Variants in FRMD4B observed in about 807,000 individuals in gnomAD.
FRMD4B encodes the protein FERM domain containing 4B.
Under a neutral mutation model 141.5 loss-of-function variants are expected in FRMD4B, and 74 were observed. The ratio of observed to expected loss-of-function variants is 0.52; its 90% CI spans 0.43 to 0.63. The LOEUF is 0.63. Among genes scored for constraint, FRMD4B ranks in the 30% least tolerant of loss-of-function variants. The pLI is 0.00. For synonymous variants in FRMD4B, 506 were observed against 467.9 expected (o/e 1.08, Z -1.05); for missense variants, 1,366 against 1,253.4 (o/e 1.09, Z -1.36).
intron 18 of FRMD4B, among the ~76,000 whole-genome samples, 198 bp from the exon 19 acceptor site, chr3:69,188,115 G>A (rs2092790119): frequency 6.6e-6 from 1 of 152,042 alleles, no homozygotes; most frequent in African/African-American, 2.4e-5. Flanking sequence ...CGAAAATACT[G>A]AACACTCTTC....
At chr3:69,401,574 G>A (rs1276329534) in intron 2 of FRMD4B, among the ~76,000 whole-genome samples, 1 of 152,096 alleles carries the variant, frequency 6.6e-6, no homozygotes, top group Non-Finnish European at 1.5e-5. Context: ...TTCTGAGTCA[G>A]GGTCTCACTC....
At chr3:69,469,349 C>G (rs1262526392) in intron 1 of FRMD4B, among the ~76,000 whole-genome samples, 1 of 152,152 alleles carries the variant, frequency 6.6e-6, no homozygotes, top group East Asian at 1.9e-4. Context: ...TAAAACAACT[C>G]AGAAATGTAA....
intron 1 of FRMD4B, among the ~76,000 whole-genome samples, chr3:69,486,551 T>C (rs1482677890): frequency 1.3e-5 from 2 of 152,194 alleles, no homozygotes; most frequent in East Asian, 3.9e-4. Flanking sequence ...AACTAAGCCA[T>C]TAAGTGTTGG....
chr3:69,526,122 G>T (rs1423680994), intron 1 of FRMD4B, among the ~76,000 whole-genome samples: 1 of 152,038 alleles, frequency 6.6e-6, no homozygotes, highest in Non-Finnish European at 1.5e-5. Context: ...GCCAAGCACG[G>T]GATACAACAT....
At chr3:69,364,100 G>A (rs1425826214) in intron 1 of FRMD4B, among the ~76,000 whole-genome samples, 1 of 152,172 alleles carries the variant, frequency 6.6e-6, no homozygotes, top group Non-Finnish European at 1.5e-5. Flanking sequence ...CAGGATGAAA[G>A]AAGCAAAGAA....
chr3:69,323,489 C>T lies in FRMD4B; in HGVS notation c.163-9972G>A, dbSNP rs143002923. Among the ~76,000 whole-genome samples, 1,321 of 151,460 alleles carry T rather than the reference C, an allele frequency of 8.7e-3. 16 individuals are homozygous for T. Among genetic ancestry groups the T allele is most frequent in the African/African-American group, 0.031 (1,268 of 41,274 alleles). On this transcript the variant is annotated intron_variant, in intron 1 of 22. Coordinates refer to ENST00000398540, the MANE Select transcript of FRMD4B (RefSeq NM_015123.3). ...AGGCTGAGGCAGAATTGCTTGAACC[C>T]AGTGGGTGGAGGTTGCAGTGAGCTG... is the stretch of plus-strand genomic sequence containing the variant.
At chr3:69,291,857 A>G (rs1183202993) in intron 4 of FRMD4B, among the ~76,000 whole-genome samples, 1 of 150,394 alleles carries the variant, frequency 6.6e-6, no homozygotes, top group African/African-American at 2.4e-5. Flanking sequence ...AACCCAAGTT[A>G]ATAGAGGGCT....
At chr3:69,202,215 A>C (rs1435648994) in intron 11 of FRMD4B, among the ~76,000 whole-genome samples, 1 of 152,102 alleles carries the variant, frequency 6.6e-6, no homozygotes, top group African/African-American at 2.4e-5. Flanking sequence ...AAAAAAAGAA[A>C]AGTCATGAAG....
rs1463308290 is a variant in FRMD4B, at chr3:69,196,304, C to T, written c.1185G>A (p.Glu395=). 6.2e-7 allele frequency: 1 copy of T among 1,609,026 alleles called. No individual in the cohort carries two copies. Among genetic ancestry groups the T allele is most frequent in the Non-Finnish European group, 8.5e-7 (1 of 1,176,970 alleles). The change falls in exon 14 of 23, where the codon GAG becomes GAA. Residue 395 remains glutamate, a synonymous_variant. Transcript: ENST00000398540. ...TTGCCATGATGAACTGACTTTTCGT[C>T]TCCAGTGTCACCAGCTTGGAGGCCC... ...TQRASKLVTL[E]TKSQFIMASN... is the part of the protein sequence containing the mutation.
intron 2 of FRMD4B, among the ~76,000 whole-genome samples, chr3:69,425,126 C>T (rs1386376082): frequency 6.6e-6 from 1 of 152,184 alleles, no homozygotes. Context: ...GTTATTATCT[C>T]TTATCAGTAG....
chr3:69,347,249 T>C (rs1356657463), intron 1 of FRMD4B, among the ~76,000 whole-genome samples: 1 of 152,114 alleles, frequency 6.6e-6, no homozygotes, highest in Admixed American at 6.5e-5. Context: ...CATTACATAA[T>C]GGTAAAGGGA....
chr3:69,261,244 G>C (rs902893311), intron 5 of FRMD4B, among the ~76,000 whole-genome samples: 7 of 152,174 alleles, frequency 4.6e-5, no homozygotes. Flanking sequence ...TCCACCAGAA[G>C]AAAGAAACTC....
At chr3:69,358,613 A>C (rs1246523696) in intron 1 of FRMD4B, among the ~76,000 whole-genome samples, 1 of 152,080 alleles carries the variant, frequency 6.6e-6, no homozygotes, top group Non-Finnish European at 1.5e-5. Context: ...GCATGCGCCT[A>C]TAGTCCCAGA....
chr3:69,505,904 G>A (rs943289291), intron 1 of FRMD4B, among the ~76,000 whole-genome samples: 5 of 152,206 alleles, frequency 3.3e-5, no homozygotes, highest in East Asian at 1.9e-4. Context: ...GCCTTAGTCA[G>A]TGTGAATCCT....
chr3:69,326,119 A>ATTTTTTTTTTT (rs371350022), intron 1 of FRMD4B, among the ~76,000 whole-genome samples: 2 of 133,714 alleles, frequency 1.5e-5, no homozygotes, highest in African/African-American at 5.8e-5. Flanking sequence ...TGGCTAATCA[A>ATTTTTTTTTTT]TTTTTTTTTT....
At chr3:69,301,349 A>G (rs771158404) in intron 4 of FRMD4B, among the ~76,000 whole-genome samples, 4 of 151,884 alleles carry the variant, frequency 2.6e-5, no homozygotes, top group Admixed American at 1.3e-4. Flanking sequence ...TGTTTATGAG[A>G]TGGAGTCTCA....
At chr3:69,471,078 T>A (rs1458401668) in intron 1 of FRMD4B, among the ~76,000 whole-genome samples, 1 of 152,190 alleles carries the variant, frequency 6.6e-6, no homozygotes, top group African/African-American at 2.4e-5. Flanking sequence ...ATAAGAGTTA[T>A]CTTCCAAACT....
intron 1 of FRMD4B, among the ~76,000 whole-genome samples, chr3:69,358,895 C>G (rs1703396759): frequency 6.6e-6 from 1 of 152,164 alleles, no homozygotes; most frequent in Non-Finnish European, 1.5e-5. Flanking sequence ...TCCTGTGAAC[C>G]TGTGCACCCT....
intron 7 of FRMD4B, among the ~76,000 whole-genome samples, chr3:69,226,705 C>G (rs575962905): frequency 7.9e-5 from 12 of 152,146 alleles, no homozygotes; most frequent in African/African-American, 2.9e-4. Context: ...TGCTATTTAT[C>G]ATAAATTTAT....
Sources: allele counts gnomAD v4.1 joint callset (sites outside exome capture counted in the v4.1 genomes callset), GRCh38; gene constraint gnomAD v4.1.1; transcripts MANE v1.5; gene names NCBI Gene and HGNC (gene_info 2026-07-23, HGNC 2026-07-21).